Variants in FHIT observed in about 807,000 individuals in gnomAD.
FHIT encodes fragile histidine triad diadenosine triphosphatase.
FHIT carries 19 observed loss-of-function variants against 17.9 expected under a neutral mutation model. That is an observed-to-expected ratio of 1.06 (90% confidence interval 0.74 to 1.56). FHIT has a LOEUF of 1.56. FHIT is among the 40% of genes most tolerant of loss of function. The pLI is 0.00. For synonymous variants in FHIT, 81 were observed against 69.7 expected (o/e 1.16, Z -0.81); for missense variants, 248 against 189.2 (o/e 1.31, Z -1.82).
chr3:60,855,285 C>A (rs1703334930), intron 3 of FHIT, among the ~76,000 whole-genome samples: 1 of 152,028 alleles, frequency 6.6e-6, no homozygotes, highest in African/African-American at 2.4e-5. Flanking sequence ...AGGCATGTGA[C>A]CTAGATCTAA....
At chr3:60,552,536 C>T (rs1219303173) in intron 4 of FHIT, among the ~76,000 whole-genome samples, 1 of 152,178 alleles carries the variant, frequency 6.6e-6, no homozygotes, top group Non-Finnish European at 1.5e-5. Context: ...ACCTAGATAT[C>T]AGGCTTTTTT....
At chr3:60,941,176 C>T (rs1287454321) in intron 3 of FHIT, among the ~76,000 whole-genome samples, 3 of 152,100 alleles carry the variant, frequency 2.0e-5, no homozygotes, top group Admixed American at 1.3e-4. Flanking sequence ...TTCAGACTGG[C>T]CACATTTCAA....
intron 4 of FHIT, among the ~76,000 whole-genome samples, chr3:60,769,651 G>T (rs1262636194): frequency 1.3e-5 from 2 of 152,192 alleles, no homozygotes; most frequent in Non-Finnish European, 2.9e-5. Context: ...CAGAAGTCGG[G>T]TATAGAAACA....
chr3:60,965,600 C>T (rs1233181158), intron 3 of FHIT, among the ~76,000 whole-genome samples: 6 of 152,248 alleles, frequency 3.9e-5, no homozygotes, highest in Admixed American at 2.6e-4. Flanking sequence ...ATGATGGTGA[C>T]GTACACATGG....
At chr3:61,014,483 T>C (rs2031966994) in intron 3 of FHIT, among the ~76,000 whole-genome samples, 1 of 151,824 alleles carries the variant, frequency 6.6e-6, no homozygotes, top group East Asian at 1.9e-4. Context: ...CTTAAAAATA[T>C]ATATACGTAC....
At chr3:60,201,794 T>G (rs1040688000) in intron 5 of FHIT, among the ~76,000 whole-genome samples, 1 of 152,068 alleles carries the variant, frequency 6.6e-6, no homozygotes, top group Non-Finnish European at 1.5e-5. Context: ...TACCCAAATT[T>G]TCCTCAAACA....
chr3:59,937,048 T>C (rs749241837), intron 7 of FHIT, among the ~76,000 whole-genome samples: 2 of 152,188 alleles, frequency 1.3e-5, no homozygotes, highest in Non-Finnish European at 2.9e-5. Context: ...CCAAAGTAAC[T>C]GAATTCAGAC....
intron 5 of FHIT, among the ~76,000 whole-genome samples, chr3:60,229,781 A>C (rs554949328): frequency 3.3e-5 from 5 of 152,290 alleles, no homozygotes; most frequent in African/African-American, 1.2e-4. Flanking sequence ...GGCATTGAAG[A>C]CTGGCCTGGG....
rs535316893 is a variant in FHIT at position 59,748,944 on chromosome 3, G to C, written c.*641C>G. Among the ~76,000 whole-genome samples, 1 of 152,268 alleles carries C rather than the reference G, an allele frequency of 6.6e-6. No homozygotes were observed. The highest frequency in any genetic ancestry group is 2.4e-5 in the African/African-American group (1 of 41,564). On this transcript the variant is annotated 3_prime_UTR_variant, in exon 10 of 10. Transcript: ENST00000492590. The stretch of plus-strand genomic sequence containing the variant: ...TCATGTCTGCCTCTGTGCATGTTGA[G>C]AATTGTGCAGTTTTGCAGAGTGAGC...
intron 2 of FHIT, among the ~76,000 whole-genome samples, chr3:61,183,033 G>A (rs2038390537): frequency 1.3e-5 from 2 of 152,202 alleles, no homozygotes; most frequent in South Asian, 4.1e-4. Context: ...TCCCTGTGCT[G>A]AGATACAGAT....
In FHIT at chr3:60,326,695, G is replaced by A. The variant is rs192077883; in HGVS notation, c.103+210165C>T. ...TACTGTGTACGATATTTAAAAAATG[G>A]ACGATGTCCCCTTAACAGTATTTTC... On this transcript the variant is annotated intron_variant, in intron 5 of 9. Transcript: ENST00000492590. Among the ~76,000 whole-genome samples the A allele has an allele frequency of 2.0e-5, 3 of 152,240 alleles. No individual in the cohort carries two copies. The East Asian group carries it at 5.8e-4, about 29-fold the overall frequency.
At chr3:60,524,022 G>C (rs72883948) in intron 5 of FHIT, among the ~76,000 whole-genome samples, 1,916 of 152,160 alleles carry the variant, frequency 0.013, 42 homozygotes, top group African/African-American at 0.044. Context: ...TTTATCTTTA[G>C]AGCTAAAAAG....
chr3:60,688,922 A>C (rs1269264338), intron 4 of FHIT, among the ~76,000 whole-genome samples: 2 of 152,174 alleles, frequency 1.3e-5, no homozygotes, highest in East Asian at 3.9e-4. Context: ...GGATTCAACC[A>C]ATCATGGATT....
At chr3:60,576,906 C>G (rs1355424019) in intron 4 of FHIT, among the ~76,000 whole-genome samples, 1 of 151,104 alleles carries the variant, frequency 6.6e-6, no homozygotes, top group Admixed American at 6.6e-5. Flanking sequence ...CTTCTCATTT[C>G]CCATAGCTTC....
chr3:59,907,299 G>T (rs1330113624), intron 8 of FHIT, among the ~76,000 whole-genome samples: 1 of 152,172 alleles, frequency 6.6e-6, no homozygotes, highest in East Asian at 1.9e-4. Context: ...TCTTACCCAT[G>T]TGTAGCAGGC....
intron 5 of FHIT, among the ~76,000 whole-genome samples, chr3:60,054,269 G>A (rs1701995732): frequency 3.9e-5 from 6 of 152,122 alleles, no homozygotes; most frequent in Admixed American, 3.3e-4. Context: ...AAAGAAAAAC[G>A]GTTACAGAGT....
At chr3:60,225,343 C>T (rs761048917) in intron 5 of FHIT, among the ~76,000 whole-genome samples, 8 of 152,052 alleles carry the variant, frequency 5.3e-5, no homozygotes, top group African/African-American at 9.7e-5. Context: ...TACTGTCCTG[C>T]CAATGGAACA....
At chr3:59,845,461 G>T (rs1290618061) in intron 8 of FHIT, among the ~76,000 whole-genome samples, 1 of 151,946 alleles carries the variant, frequency 6.6e-6, no homozygotes, top group Non-Finnish European at 1.5e-5. Context: ...CATATGTTTG[G>T]ATATGTTGTG....
In FHIT at chr3:60,890,305, C is replaced by G. The variant is rs567965123; in HGVS notation, c.-110-68294G>C. On this transcript the variant is annotated intron_variant, in intron 3 of 9. Coordinates refer to ENST00000492590, the MANE Select transcript of FHIT (RefSeq NM_002012.4). ...TGTGAAGAGACTGAGGTCATGTGCA[C>G]AGCACCAATGCACAGATACGAGTGA... is the stretch of plus-strand genomic sequence containing the variant. Among the ~76,000 whole-genome samples, 12 of 150,076 alleles carry G rather than the reference C, an allele frequency of 8.0e-5. No individual in the cohort carries two copies. The South Asian group carries it at 2.6e-3, about 32-fold the overall frequency.
Sources: allele counts gnomAD v4.1 joint callset (sites outside exome capture counted in the v4.1 genomes callset), GRCh38; gene constraint gnomAD v4.1.1; transcripts MANE v1.5; gene names NCBI Gene and HGNC (gene_info 2026-07-23, HGNC 2026-07-21).